Variants in RANBP2 observed in about 807,000 individuals in gnomAD.
The protein encoded by RANBP2 is RAN binding protein 2, also known as E3 SUMO-protein ligase RanBP2.
Under a neutral mutation model 303.6 loss-of-function variants are expected in RANBP2, and 57 were observed. The ratio of observed to expected loss-of-function variants is 0.19; its 90% CI spans 0.15 to 0.23. The LOEUF (loss-of-function observed/expected upper bound fraction) is 0.23, where lower values mean the gene tolerates loss of function less well. Among genes scored for constraint, RANBP2 ranks in the 10% least tolerant of loss-of-function variants. The pLI, the probability that RANBP2 is intolerant of heterozygous loss-of-function variation, is 1.00. For synonymous variants in RANBP2, 1,167 were observed against 1,301.5 expected (o/e 0.90, Z 2.23); for missense variants, 3,138 against 3,780.8 (o/e 0.83, Z 4.46).
chr2:108,731,294 T>A (rs1695150085), intron 3 of RANBP2, 28 bp from the exon 4 acceptor site: 2 of 1,608,160 alleles, frequency 1.2e-6, no homozygotes. Flanking sequence ...ATTTATTTAC[T>A]AATCTTTAAT....
chr2:108,959,859 C>G, the RANBP2 span, among the ~76,000 whole-genome samples: 1 of 152,190 alleles, frequency 6.6e-6, no homozygotes, highest in African/African-American at 2.4e-5. Context: ...TCTAAAAATA[C>G]TCGCACATAC....
chr2:109,670,092 C>T, the RANBP2 span, among the ~76,000 whole-genome samples: 5 of 152,198 alleles, frequency 3.3e-5, no homozygotes, highest in African/African-American at 1.2e-4. Flanking sequence ...ACGGTTCCTC[C>T]TCTTCCTCCT....
chr2:109,138,003 A>G, the RANBP2 span, among the ~76,000 whole-genome samples: 1 of 152,126 alleles, frequency 6.6e-6, no homozygotes, highest in Admixed American at 6.5e-5. Context: ...AGACACATAC[A>G]TTTATTTCGC....
chr2:109,654,679 T>A, the RANBP2 span, among the ~76,000 whole-genome samples: 1 of 152,038 alleles, frequency 6.6e-6, no homozygotes, highest in Non-Finnish European at 1.5e-5. Context: ...CTCAAATACA[T>A]AAGCAATCCC....
chr2:109,258,526 C>T, the RANBP2 span, among the ~76,000 whole-genome samples: 6 of 152,242 alleles, frequency 3.9e-5, no homozygotes, highest in East Asian at 3.9e-4. Context: ...GGTGAGCCTC[C>T]GAACAATGTA....
chr2:109,630,730 T>A, the RANBP2 span, among the ~76,000 whole-genome samples: 1 of 152,286 alleles, frequency 6.6e-6, no homozygotes, highest in African/African-American at 2.4e-5. Flanking sequence ...AAAGACTTTG[T>A]GGAGGTAATG....
At chr2:109,494,317 T>C in the RANBP2 span, among the ~76,000 whole-genome samples, 1 of 152,108 alleles carries the variant, frequency 6.6e-6, no homozygotes, top group Non-Finnish European at 1.5e-5. Flanking sequence ...ACCCAAGCAC[T>C]CTGTAGCACT....
chr2:109,720,515 G>A, the RANBP2 span, among the ~76,000 whole-genome samples: 2 of 152,154 alleles, frequency 1.3e-5, no homozygotes, highest in African/African-American at 2.4e-5. Flanking sequence ...AAGCCCTAGA[G>A]GTGATTCTTA....
chr2:109,022,283 G>GT, the RANBP2 span, among the ~76,000 whole-genome samples: 1 of 152,168 alleles, frequency 6.6e-6, no homozygotes, highest in African/African-American at 2.4e-5. Context: ...AGCAACTGTG[G>GT]TTCCCCCGCC....
At chr2:109,287,826 C>G in the RANBP2 span, among the ~76,000 whole-genome samples, 1 of 152,198 alleles carries the variant, frequency 6.6e-6, no homozygotes, top group Non-Finnish European at 1.5e-5. Context: ...GCGCTGCACT[C>G]TCCTGTGTGC....
the RANBP2 span, among the ~76,000 whole-genome samples, chr2:109,536,641 T>G: frequency 4.6e-5 from 7 of 152,140 alleles, no homozygotes; most frequent in African/African-American, 1.7e-4. Context: ...TTGGGGCTGT[T>G]GGGAAGGCAT....
the RANBP2 span, among the ~76,000 whole-genome samples, chr2:109,395,664 T>C: frequency 6.6e-6 from 1 of 152,202 alleles, no homozygotes; most frequent in African/African-American, 2.4e-5. Flanking sequence ...GAAGGCACAG[T>C]GCAGTCACTT....
chr2:108,803,915 T>C, the RANBP2 span, among the ~76,000 whole-genome samples: 5 of 152,196 alleles, frequency 3.3e-5, no homozygotes, highest in Non-Finnish European at 5.9e-5. Flanking sequence ...ATGAAAATAT[T>C]AGTTTTAAAA....
the RANBP2 span, among the ~76,000 whole-genome samples, chr2:109,010,835 T>G: frequency 6.6e-6 from 1 of 152,202 alleles, no homozygotes; most frequent in Non-Finnish European, 1.5e-5. Context: ...TGCTCAGGAT[T>G]CCAAGGAATC....
chr2:108,880,717 C>T, the RANBP2 span, among the ~76,000 whole-genome samples: 1 of 152,160 alleles, frequency 6.6e-6, no homozygotes, highest in African/African-American at 2.4e-5. Flanking sequence ...TTCCTGAATA[C>T]TTTAAGCCTG....
downstream of RANBP2, among the ~76,000 whole-genome samples, chr2:108,787,600 A>T (rs189022929): frequency 1.3e-5 from 2 of 152,030 alleles, no homozygotes; most frequent in African/African-American, 4.8e-5. Flanking sequence ...TTATAGGAAA[A>T]TTTTTTCCTA....
the RANBP2 span, among the ~76,000 whole-genome samples, chr2:109,506,993 C>T: frequency 6.6e-6 from 1 of 152,208 alleles, no homozygotes. Context: ...GAGGCCTTGA[C>T]GGCTGGGCAG....
chr2:109,510,303 A>C, the RANBP2 span, among the ~76,000 whole-genome samples: 1 of 152,086 alleles, frequency 6.6e-6, no homozygotes, highest in Admixed American at 6.5e-5. Flanking sequence ...CTGTGTCGGG[A>C]GCTCCCTCTG....
intron 7 of RANBP2, 36 bp downstream of exon 7, chr2:108,740,717 A>C (rs377337323): frequency 1.3e-6 from 2 of 1,597,370 alleles, no homozygotes; most frequent in Admixed American, 3.3e-5. Context: ...TTGACATTTC[A>C]CTGAGTCTTG....
Sources: gnomAD v4.1 joint callset for allele counts (sites outside exome capture counted in the v4.1 genomes callset) on GRCh38, gnomAD v4.1.1 for gene constraint, MANE v1.5 for transcripts, NCBI Gene and HGNC (gene_info 2026-07-23, HGNC 2026-07-21) for gene names.